LCLAT1: variants seen among roughly 807,000 people sequenced by gnomAD.
The protein encoded by LCLAT1 is lysocardiolipin acyltransferase 1.
LCLAT1 carries 11 observed loss-of-function variants against 30.7 expected under a neutral mutation model. The ratio of observed to expected loss-of-function variants is 0.36; its 90% confidence interval spans 0.23 to 0.59. The LOEUF (loss-of-function observed/expected upper bound fraction) is 0.59. Among genes scored for constraint, LCLAT1 ranks in the 20% least tolerant of loss-of-function variants. LCLAT1 has a pLI of 0.77. For synonymous variants in LCLAT1, 155 were observed against 151.3 expected, an observed-to-expected ratio of 1.02 and a Z score of -0.18; for missense variants, 402 against 458.6, an observed-to-expected ratio of 0.88 and a Z score of 1.13.
intron 1 of LCLAT1, among the ~76,000 whole-genome samples, chr2:30,475,609 A>G (rs1379000808): frequency 1.3e-5 from 2 of 152,172 alleles, no homozygotes; most frequent in Admixed American, 6.5e-5. Flanking sequence ...ATGCATGTTT[A>G]AATAGAATAA....
At chr2:30,589,901 A>G (rs1392146562) in intron 5 of LCLAT1, among the ~76,000 whole-genome samples, 1 of 152,140 alleles carries the variant, frequency 6.6e-6, no homozygotes, top group Non-Finnish European at 1.5e-5. Context: ...CCATTCATCC[A>G]TTGTTTGAAA....
intron 1 of LCLAT1, among the ~76,000 whole-genome samples, chr2:30,483,513 T>C (rs2148314391): frequency 6.6e-6 from 1 of 152,250 alleles, no homozygotes; most frequent in East Asian, 1.9e-4. Context: ...TCTACCTCCA[T>C]AGGGTTGTTC....
intron 5 of LCLAT1, chr2:30,606,056 A>T (rs1667430811): frequency 7.7e-7 from 1 of 1,293,848 alleles, no homozygotes; most frequent in Admixed American, 2.3e-5. Context: ...CACTTCAAGG[A>T]GAACTACAAA....
rs551126382 is a variant in LCLAT1 at position 30,592,184 on chromosome 2, A to G, written c.628+24008A>G. Among the ~76,000 whole-genome samples the G allele has an allele frequency of 1.4e-4, 22 of 152,368 alleles. 1 individual carries two copies. In the East Asian group the frequency reaches 3.9e-3, roughly 27 times the overall value. On this transcript the variant is annotated intron_variant, in intron 5 of 5. Transcript: ENST00000379509. ...TTTGAAAGACACTGACAGAACATCAAAGAAATGAACCAAAACTCGGGCATG... is the reference window on the plus strand; with the variant it reads ...TTTGAAAGACACTGACAGAACATCAGAGAAATGAACCAAAACTCGGGCATG...
At chr2:30,559,178 G>C (rs374641042) in intron 3 of LCLAT1, among the ~76,000 whole-genome samples, 1 of 152,128 alleles carries the variant, frequency 6.6e-6, no homozygotes, top group Admixed American at 6.5e-5. Context: ...GTTTTCTTTT[G>C]GGAGGGGAAG....
intron 1 of LCLAT1, among the ~76,000 whole-genome samples, chr2:30,470,334 A>G (rs1170967976): frequency 6.6e-6 from 1 of 152,210 alleles, no homozygotes; most frequent in East Asian, 1.9e-4. Context: ...AAGTTAGAAA[A>G]TAGTGTCTTG....
chr2:30,488,322 A>G (rs1303110945), intron 1 of LCLAT1, among the ~76,000 whole-genome samples: 1 of 152,226 alleles, frequency 6.6e-6, no homozygotes, highest in Admixed American at 6.5e-5. Flanking sequence ...TGTGTGTGCA[A>G]TCTTCATAGC....
intron 5 of LCLAT1, among the ~76,000 whole-genome samples, chr2:30,636,597 A>T (rs1669036962): frequency 6.6e-6 from 1 of 152,136 alleles, no homozygotes; most frequent in Non-Finnish European, 1.5e-5. Context: ...TCTTTCATCA[A>T]GGAAAATTTC....
At chr2:30,622,164 ACAG>A (rs2148517490) in intron 5 of LCLAT1, among the ~76,000 whole-genome samples, 1 of 152,208 alleles carries the variant, frequency 6.6e-6, no homozygotes, top group South Asian at 2.1e-4. Flanking sequence ...CCTGTGTGAC[ACAG>A]CAGAGGCAGC....
rs567087794 is a variant in LCLAT1, at chr2:30,579,872, C to T, written c.628+11696C>T. Among the ~76,000 whole-genome samples, 11 of 152,232 alleles carry T rather than the reference C, an allele frequency of 7.2e-5. No homozygotes were observed. The East Asian group carries it at 1.4e-3, about 19-fold the overall frequency. ...TTAGTATTCTAAGACAGTTTATTAT[C>T]TTCCTAAGCAGTTTACTACTTGTTC... On this transcript the variant is annotated intron_variant, in intron 5 of 5. Coordinates refer to ENST00000379509, the MANE Select transcript of LCLAT1 (RefSeq NM_001002257.3).
intron 3 of LCLAT1, among the ~76,000 whole-genome samples, chr2:30,541,968 C>G (rs968991437): frequency 2.0e-5 from 3 of 152,106 alleles, no homozygotes; most frequent in Non-Finnish European, 4.4e-5. Flanking sequence ...TCTCTTAAGA[C>G]TAGGGATTTT....
intron 2 of LCLAT1, among the ~76,000 whole-genome samples, chr2:30,528,113 TTC>T (rs1331241127): frequency 3.3e-5 from 5 of 152,240 alleles, no homozygotes; most frequent in African/African-American, 1.2e-4. Flanking sequence ...AATGCTTTCT[TTC>T]TATACCAGTG....
intron 1 of LCLAT1, among the ~76,000 whole-genome samples, chr2:30,479,172 A>G (rs551490004): frequency 6.6e-6 from 1 of 152,272 alleles, no homozygotes; most frequent in South Asian, 2.1e-4. Context: ...TCTCACAGAC[A>G]TGTTGAATAA....
At chr2:30,605,851 GT>G (rs1553383042) in intron 5 of LCLAT1, among the ~76,000 whole-genome samples, 9 of 152,092 alleles carry the variant, frequency 5.9e-5, no homozygotes, top group Non-Finnish European at 1.3e-4. Flanking sequence ...CGGGGAGGGA[GT>G]GGGGGGATGG....
At chr2:30,484,364 A>G (rs552804686) in intron 1 of LCLAT1, among the ~76,000 whole-genome samples, 1 of 152,314 alleles carries the variant, frequency 6.6e-6, no homozygotes, top group African/African-American at 2.4e-5. Flanking sequence ...TTCCCAAATC[A>G]GTCATTTTGA....
chr2:30,456,210 C>T (rs1327526480), intron 1 of LCLAT1, among the ~76,000 whole-genome samples: 1 of 152,110 alleles, frequency 6.6e-6, no homozygotes, highest in Non-Finnish European at 1.5e-5. Flanking sequence ...AGTGTCAGCC[C>T]CTCTTTAGGA....
chr2:30,488,190 C>G lies in LCLAT1; in HGVS notation c.-4-37397C>G, dbSNP rs114271834. Among the ~76,000 whole-genome samples, 1,432 of 152,336 alleles carry G rather than the reference C, an allele frequency of 9.4e-3. 25 individuals are homozygous for G. The highest frequency in any genetic ancestry group is 0.032 in the African/African-American group (1,343 of 41,568). ...TAGTTGTAGTTACTACAGTAAATCA[C>G]ATGAATTTTTTTCCAGTTAGGTCTA... On this transcript the variant is annotated intron_variant, in intron 1 of 5. Transcript: ENST00000379509.
chr2:30,512,117 G>C (rs2148359805), intron 1 of LCLAT1, among the ~76,000 whole-genome samples: 1 of 152,146 alleles, frequency 6.6e-6, no homozygotes. Context: ...TGTGTTTTTT[G>C]AGAGAGCACA....
At chr2:30,631,742 G>A (rs891137358) in intron 5 of LCLAT1, among the ~76,000 whole-genome samples, 14 of 152,114 alleles carry the variant, frequency 9.2e-5, no homozygotes, top group South Asian at 2.1e-4. Context: ...GACTTTCCAC[G>A]GTTTTAAATT....
Sources: allele counts gnomAD v4.1 joint callset (sites outside exome capture counted in the v4.1 genomes callset), GRCh38; gene constraint gnomAD v4.1.1; transcripts MANE v1.5; gene names NCBI Gene and HGNC (gene_info 2026-07-23, HGNC 2026-07-21).